Variants in PTPRF observed in about 807,000 individuals in gnomAD.
PTPRF encodes the protein protein tyrosine phosphatase receptor type F, also known as receptor-type tyrosine-protein phosphatase F.
PTPRF carries 59 observed loss-of-function variants against 201.8 expected under a neutral mutation model. The ratio of observed to expected loss-of-function variants is 0.29; its 90% CI spans 0.24 to 0.36. PTPRF has a LOEUF of 0.36. PTPRF is among the 10% of genes least tolerant of loss of function. The probability of loss-of-function intolerance (pLI) is 1.00; values close to 1 mark genes in which losing one functional copy is unlikely to be tolerated. For synonymous variants in PTPRF, 1,088 were observed against 1,089.7 expected, an observed-to-expected ratio of 1.00 and a Z score of 0.03; for missense variants, 2,132 against 2,690.5, an observed-to-expected ratio of 0.79 and a Z score of 4.59.
chr1:43,548,393 G>A (rs1644816688), intron 3 of PTPRF, among the ~76,000 whole-genome samples: 5 of 151,996 alleles, frequency 3.3e-5, no homozygotes, highest in Admixed American at 3.3e-4. Flanking sequence ...TGTCTGTTGT[G>A]TCATTTCCCT....
intron 3 of PTPRF, among the ~76,000 whole-genome samples, chr1:43,550,817 A>C (rs751531723): frequency 2.1e-4 from 32 of 152,166 alleles, no homozygotes; most frequent in Non-Finnish European, 4.1e-4. Flanking sequence ...GGTTGGGGGC[A>C]GGGGGACTGG....
chr1:43,567,743 C>T (rs1186192687), intron 5 of PTPRF, among the ~76,000 whole-genome samples: 1 of 152,222 alleles, frequency 6.6e-6, no homozygotes, highest in East Asian at 1.9e-4. Flanking sequence ...TTTCTGCCAG[C>T]CTTTACCTTC....
chr1:43,581,953 C>A (rs1165054914), intron 7 of PTPRF, among the ~76,000 whole-genome samples: 1 of 152,198 alleles, frequency 6.6e-6, no homozygotes, highest in Admixed American at 6.5e-5. Flanking sequence ...TCACTAGATG[C>A]CAGTGGCACC....
intron 23 of PTPRF, among the ~76,000 whole-genome samples, chr1:43,615,236 C>T (rs1293036098): frequency 6.6e-6 from 1 of 152,162 alleles, no homozygotes; most frequent in Admixed American, 6.5e-5. Context: ...GCCTATAGGG[C>T]CCCCCTGGGG....
chr1:43,551,567 C>T (rs964837663), intron 3 of PTPRF, among the ~76,000 whole-genome samples: 25 of 152,136 alleles, frequency 1.6e-4, no homozygotes, highest in African/African-American at 5.8e-4. Flanking sequence ...CCAAGGTCTC[C>T]CTCCAGGGAA....
intron 11 of PTPRF, among the ~76,000 whole-genome samples, chr1:43,596,483 C>T (rs673253): frequency 0.31 from 47,458 of 151,864 alleles, 8,956 homozygotes; most frequent in Non-Finnish European, 0.43. Flanking sequence ...GGACACATCA[C>T]TGGACACAAG....
chr1:43,606,775 C>T (rs564466403), intron 20 of PTPRF, 39 bp from the exon 21 acceptor site: 43 of 1,601,852 alleles, frequency 2.7e-5, no homozygotes, highest in Admixed American at 5.0e-5. Flanking sequence ...GGGGTTCTCA[C>T]GCTGAGCTCA....
chr1:43,559,324 C>T (rs940636952), intron 5 of PTPRF, among the ~76,000 whole-genome samples: 9 of 152,104 alleles, frequency 5.9e-5, no homozygotes, highest in East Asian at 3.9e-4. Context: ...GTATGCAGCG[C>T]GCAGTGTTTG....
intron 22 of PTPRF, chr1:43,612,739 C>T (rs202016449): frequency 7.1e-5 from 96 of 1,358,084 alleles, no homozygotes; most frequent in Non-Finnish European, 8.5e-5. Context: ...TTGTTTTTTT[C>T]GTTTGTTTGT....
At position 43,546,410 on chromosome 1, in the gene PTPRF, G is replaced by C. The variant is rs1018617387; in HGVS notation, c.91+1244G>C. 1.3e-5 allele frequency among the ~76,000 whole-genome samples: 2 copies of C among 152,150 alleles called. No homozygotes were observed. Among genetic ancestry groups the C allele is most frequent in the African/African-American group, 4.8e-5 (2 of 41,418 alleles). ...AAAGACAGGTGGGGAATCACATGGG[G>C]AAGTGGGGCAGGGGATCTCCAGGCC... is the stretch of plus-strand genomic sequence containing the variant. On this transcript the variant is annotated intron_variant, in intron 3 of 33. Coordinates refer to ENST00000359947, the MANE Select transcript of PTPRF (RefSeq NM_002840.5). The surrounding 1 kb of genome is among the most constrained non-coding windows in gnomAD (Gnocchi z 4.2).
At chr1:43,583,199 G>A (rs948589861) in intron 7 of PTPRF, 20 of 779,828 alleles carry the variant, frequency 2.6e-5, no homozygotes, top group Admixed American at 1.2e-4. Flanking sequence ...TCACTGCGCC[G>A]TGCCTGCCTG....
At chr1:43,529,787 T>C (rs774257735), upstream of PTPRF, among the ~76,000 whole-genome samples, 4 of 152,150 alleles carry the variant, frequency 2.6e-5, no homozygotes, top group Non-Finnish European at 5.9e-5. Flanking sequence ...TTGGAATAAA[T>C]CTTCAGGTAG....
intron 3 of PTPRF, among the ~76,000 whole-genome samples, chr1:43,545,582 G>T (rs775594650): frequency 3.2e-4 from 49 of 152,258 alleles, no homozygotes; most frequent in Admixed American, 7.2e-4. Context: ...CCCAGGACGC[G>T]GGTGTGTCCA....
intron 5 of PTPRF, among the ~76,000 whole-genome samples, chr1:43,563,165 G>A (rs1288950073): frequency 7.3e-6 from 1 of 136,270 alleles, no homozygotes; most frequent in Non-Finnish European, 1.6e-5. Flanking sequence ...GCGACCAAGC[G>A]AGACTCCATC....
intron 23 of PTPRF, among the ~76,000 whole-genome samples, chr1:43,615,551 CTTTTTTTTTTTTTTTT>C (rs68193223): frequency 7.1e-5 from 6 of 84,160 alleles, no homozygotes; most frequent in East Asian, 8.0e-4. Flanking sequence ...GCTCTGTTGT[CTTTTTTTTTTTTTTTT>C]TTTTTTTTTT....
At position 43,573,881 on chromosome 1, in the gene PTPRF, G is replaced by A. The variant is rs1458220218; in HGVS notation, c.568+4103G>A. On this transcript the variant is annotated intron_variant, in intron 6 of 33. Coordinates refer to ENST00000359947, the MANE Select transcript of PTPRF (RefSeq NM_002840.5). ...GCTCCCACCCCCACCAAGTCCTGGC[G>A]TGGATGACAGGAGATCAGCAATGTC... is the stretch of plus-strand genomic sequence containing the variant. 4.0e-5 allele frequency among the ~76,000 whole-genome samples: 6 copies of A among 151,476 alleles called. No individual in the cohort carries two copies. In the South Asian group the frequency reaches 1.3e-3, roughly 32 times the overall value.
At chr1:43,595,437 G>A (rs961930905) in intron 11 of PTPRF, among the ~76,000 whole-genome samples, 6 of 152,124 alleles carry the variant, frequency 3.9e-5, no homozygotes, top group African/African-American at 1.4e-4. Flanking sequence ...AGCCAGGGTG[G>A]TCTGGATCTC....
At chr1:43,540,522 AG>A (rs1644295300) in intron 2 of PTPRF, among the ~76,000 whole-genome samples, 1 of 152,188 alleles carries the variant, frequency 6.6e-6, no homozygotes, top group African/African-American at 2.4e-5. Flanking sequence ...CTGGAGGCTT[AG>A]GGGTTACAGC....
At position 43,545,024 on chromosome 1, in the gene PTPRF, A is replaced by T; in HGVS notation, c.-45-7A>T. ...GCTAACTGGCTCTGCCCTTCTCTCC[A>T]TTACAGGTTGATTGTCCTGGGCTGT... On this transcript the variant is annotated splice_region_variant and splice_polypyrimidine_tract_variant and intron_variant, in intron 2 of 33. Coordinates refer to ENST00000359947, the MANE Select transcript of PTPRF (RefSeq NM_002840.5). 6.7e-7 allele frequency: 1 copy of T among 1,493,492 alleles called. No individual in the cohort carries two copies. Among genetic ancestry groups the T allele is most frequent in the Non-Finnish European group, 9.1e-7 (1 of 1,099,950 alleles). The allele number at this position is 1,493,492 out of a possible 1,614,324, so 92.5% of individuals were successfully genotyped here. A position where few individuals can be genotyped will look rare whatever the true frequency, so the allele number is the denominator to read the frequency against.
Sources: gnomAD v4.1 joint callset for allele counts (sites outside exome capture counted in the v4.1 genomes callset) on GRCh38, gnomAD v4.1.1 for gene constraint, Gnocchi (gnomAD v3.1) non-coding constraint, MANE v1.5 for transcripts, NCBI Gene and HGNC (gene_info 2026-07-23, HGNC 2026-07-21) for gene names.